SLC12A6: variants seen among roughly 807,000 people sequenced by gnomAD.
SLC12A6 encodes the protein solute carrier family 12 member 6.
In SLC12A6, 66 loss-of-function variants were observed where a neutral mutation model predicts 135.3. The ratio of observed to expected loss-of-function variants is 0.49; its 90% CI spans 0.40 to 0.60. SLC12A6 has a LOEUF of 0.60. Among genes scored for constraint, SLC12A6 ranks in the 20% least tolerant of loss-of-function variants. The pLI, the probability that SLC12A6 is intolerant of heterozygous loss-of-function variation, is 0.00. For missense variants in SLC12A6, 1,058 were observed against 1,452.3 expected (o/e 0.73, Z 4.41); for synonymous variants, 513 against 508.8 (o/e 1.01, Z -0.11).
intron 2 of SLC12A6, among the ~76,000 whole-genome samples, chr15:34,317,307 G>A (rs1002158890): frequency 7.9e-5 from 12 of 152,146 alleles, no homozygotes; most frequent in South Asian, 2.1e-4. Context: ...AAAAATTCTC[G>A]AATGGTTTTA....
chr15:34,308,388 A>G (rs2141050115), intron 2 of SLC12A6, among the ~76,000 whole-genome samples: 1 of 152,088 alleles, frequency 6.6e-6, no homozygotes, highest in African/African-American at 2.4e-5. Flanking sequence ...ACTTTGGGAG[A>G]CTGAGGTGGG....
chr15:34,296,015 A>G (rs1344452232), intron 2 of SLC12A6, among the ~76,000 whole-genome samples: 1 of 152,138 alleles, frequency 6.6e-6, no homozygotes, highest in Admixed American at 6.6e-5. Flanking sequence ...ACAAACAAAC[A>G]CACAGTTTGG....
chr15:34,240,634 C>T (rs746756749), intron 19 of SLC12A6, 27 bp downstream of exon 19: 22 of 1,600,010 alleles, frequency 1.4e-5, no homozygotes, highest in Non-Finnish European at 1.7e-5. Flanking sequence ...AAACTGAGTT[C>T]CAATACCTCA....
chr15:34,261,781 G>C (rs1469745098), intron 3 of SLC12A6, among the ~76,000 whole-genome samples: 1 of 152,264 alleles, frequency 6.6e-6, no homozygotes, highest in Non-Finnish European at 1.5e-5. Context: ...GTTTTGATTT[G>C]CATTTCTCTG....
At position 34,233,149 on chromosome 15, in the gene SLC12A6, T is replaced by C. The variant is rs201935005; in HGVS notation, c.*732A>G. ...TTTGAAAGGAACCTGAAAGAAATAA[T>C]TTTTACCTTACCAAAAACAATTTCC... On this transcript the variant is annotated 3_prime_UTR_variant, in exon 26 of 26. Coordinates refer to ENST00000354181, the MANE Select transcript of SLC12A6 (RefSeq NM_001365088.1). 6.6e-6 allele frequency: 1 copy of C among 152,220 alleles called. No individual in the cohort carries two copies. Among genetic ancestry groups the C allele is most frequent in the East Asian group, 1.9e-4 (1 of 5,192 alleles). 9.4% of individuals were successfully genotyped at this position (152,220 alleles called of 1,614,324 possible).
At chr15:34,265,013 G>A (rs1254028402) in intron 3 of SLC12A6, among the ~76,000 whole-genome samples, 1 of 152,072 alleles carries the variant, frequency 6.6e-6, no homozygotes, top group East Asian at 1.9e-4. Flanking sequence ...TGGCTAACAC[G>A]GTGAAACCCT....
At chr15:34,261,916 T>C (rs1270473687) in intron 3 of SLC12A6, among the ~76,000 whole-genome samples, 2 of 152,260 alleles carry the variant, frequency 1.3e-5, no homozygotes, top group African/African-American at 4.8e-5. Context: ...GGAATGTAAA[T>C]TAGTTCAGTC....
chr15:34,233,761 G>A lies in SLC12A6; in HGVS notation c.*120C>T. 2.8e-6 allele frequency: 2 copies of A among 719,458 alleles called. No individual in the cohort carries two copies. The highest frequency in any genetic ancestry group is 2.6e-5 in the East Asian group (1 of 37,800). 44.6% of individuals were successfully genotyped at this position (719,458 alleles called of 1,614,324 possible). A position where few individuals can be genotyped will look rare whatever the true frequency, so the allele number is the denominator to read the frequency against. The stretch of plus-strand genomic sequence containing the variant: ...TGAGGCTCAGCTCATCAAGAGTTCA[G>A]TATGATGTGTACAGAACACAGGCTT... On this transcript the variant is annotated 3_prime_UTR_variant, in exon 26 of 26. Transcript: ENST00000354181.
chr15:34,320,786 G>A (rs1041642276), intron 2 of SLC12A6, among the ~76,000 whole-genome samples: 14 of 146,754 alleles, frequency 9.5e-5, no homozygotes, highest in Non-Finnish European at 1.3e-4. Context: ...GCGTGGTGGC[G>A]GGCGCCTGTA....
chr15:34,292,617 G>A (rs1248436961), intron 2 of SLC12A6, among the ~76,000 whole-genome samples: 2 of 152,226 alleles, frequency 1.3e-5, no homozygotes, highest in African/African-American at 2.4e-5. Context: ...TAGAGAAGCA[G>A]TAGGCCTTGC....
chr15:34,327,774 TAA>T (rs1367774660), intron 2 of SLC12A6, among the ~76,000 whole-genome samples: 1 of 152,200 alleles, frequency 6.6e-6, no homozygotes, highest in African/African-American at 2.4e-5. Flanking sequence ...GATGTGTACA[TAA>T]GAGTTTTTAA....
intron 7 of SLC12A6, 102 bp from the exon 8 acceptor site, chr15:34,255,494 T>C: frequency 4.7e-6 from 4 of 849,612 alleles, no homozygotes; most frequent in Non-Finnish European, 7.7e-6. Flanking sequence ...AAAGGTTAAA[T>C]GTTTCAGGCT....
chr15:34,327,949 G>A (rs956021966), intron 2 of SLC12A6, among the ~76,000 whole-genome samples: 1 of 152,072 alleles, frequency 6.6e-6, no homozygotes, highest in African/African-American at 2.4e-5. Context: ...ACTATAAACA[G>A]GTGAATGTCA....
intron 2 of SLC12A6, among the ~76,000 whole-genome samples, chr15:34,297,235 T>G (rs1649977498): frequency 6.6e-6 from 1 of 152,234 alleles, no homozygotes; most frequent in Non-Finnish European, 1.5e-5. Flanking sequence ...TTGTATCTAT[T>G]TTTAATTTAT....
chr15:34,272,829 G>C (rs1235420632), intron 3 of SLC12A6, among the ~76,000 whole-genome samples: 1 of 152,150 alleles, frequency 6.6e-6, no homozygotes, highest in Non-Finnish European at 1.5e-5. Context: ...CACTAGCTAA[G>C]CTGCCTCCAT....
intron 2 of SLC12A6, among the ~76,000 whole-genome samples, chr15:34,320,927 A>C (rs72720797): frequency 2.3e-4 from 24 of 103,514 alleles, no homozygotes; most frequent in East Asian, 8.6e-4. Flanking sequence ...AAATACAATA[A>C]AATAAAATAA....
At chr15:34,290,504 G>A (rs1427102339) in intron 2 of SLC12A6, among the ~76,000 whole-genome samples, 1 of 152,172 alleles carries the variant, frequency 6.6e-6, no homozygotes, top group Admixed American at 6.5e-5. Flanking sequence ...TTCACTTGGT[G>A]CAGAGCTGAG....
intron 21 of SLC12A6, 99 bp downstream of exon 21, chr15:34,238,131 TAA>T: frequency 2.3e-6 from 2 of 871,560 alleles, no homozygotes; most frequent in East Asian, 5.0e-5. Flanking sequence ...CTTCTGATTC[TAA>T]ACCCCAACAC....
rs1298599060 is a variant in SLC12A6 at position 34,294,848 on chromosome 15, C to T, written c.272-19459G>A. Reference sequence around the variant, plus strand: ...AGGATTACAGGCATGAGCCACCACACCCAGCCTTAAATAAGTGTTTAATGA... The same window carrying T: ...AGGATTACAGGCATGAGCCACCACATCCAGCCTTAAATAAGTGTTTAATGA... On this transcript the variant is annotated intron_variant, in intron 2 of 25. Transcript: ENST00000354181. Among the ~76,000 whole-genome samples, 4 of 152,214 alleles carry T rather than the reference C, an allele frequency of 2.6e-5. No homozygotes were observed. The South Asian group carries it at 6.2e-4, about 24-fold the overall frequency.
Sources: gnomAD v4.1 joint callset for allele counts (sites outside exome capture counted in the v4.1 genomes callset) on GRCh38, gnomAD v4.1.1 for gene constraint, MANE v1.5 for transcripts, NCBI Gene and HGNC (gene_info 2026-07-23, HGNC 2026-07-21) for gene names.